Variants in INSIG1 observed in about 807,000 individuals in gnomAD.
INSIG1 encodes insulin induced gene 1.
A neutral mutation model predicts 26.5 loss-of-function variants in INSIG1; 14 were observed. The ratio of observed to expected loss-of-function variants is 0.53; its 90% CI spans 0.35 to 0.83. The LOEUF is 0.83. Among genes scored for constraint, INSIG1 ranks in the 40% least tolerant of loss-of-function variants. INSIG1 has a pLI of 0.01. For synonymous variants in INSIG1, 147 were observed against 153.3 expected (o/e 0.96, Z 0.30); for missense variants, 272 against 368.9 (o/e 0.74, Z 2.15).
At position 155,298,570 on chromosome 7, in the gene INSIG1, G is replaced by A. The variant is rs1351223310; in HGVS notation, c.285G>A (p.Gly95=). Reference sequence around the variant, plus strand: ...GGAGCCTCGTGCTCTTCTCGGTTGGGGTGGTCCTAGCCCTGGTGCTCAACC... The same window carrying A: ...GGAGCCTCGTGCTCTTCTCGGTTGGAGTGGTCCTAGCCCTGGTGCTCAACC... The part of the protein sequence containing the change: ...LQRSLVLFSV[G]VVLALVLNLL... Residue 95 remains glycine (G), a synonymous_variant, in exon 2 of 6, where the codon GGG becomes GGA. Coordinates refer to ENST00000340368, the MANE Select transcript of INSIG1 (RefSeq NM_005542.6). 6.2e-7 allele frequency: 1 copy of A among 1,611,306 alleles called. No individual in the cohort carries two copies. The highest frequency in any genetic ancestry group is 8.5e-7 in the Non-Finnish European group (1 of 1,179,032).
At chr7:155,307,435 A>G (rs534644981) in intron 5 of INSIG1, among the ~76,000 whole-genome samples, 47 of 152,300 alleles carry the variant, frequency 3.1e-4, no homozygotes, top group Non-Finnish European at 5.6e-4. Flanking sequence ...AAAATTCTGT[A>G]TGGAGGTTTC....
At chr7:155,308,054 C>T (rs1376882137) in intron 5 of INSIG1, among the ~76,000 whole-genome samples, 187 bp from the exon 6 acceptor site, 5 of 152,182 alleles carry the variant, frequency 3.3e-5, no homozygotes, top group African/African-American at 9.7e-5. Flanking sequence ...GAAGACGGTG[C>T]AGGGGAGCTG....
intron 2 of INSIG1, among the ~76,000 whole-genome samples, chr7:155,300,059 C>T (rs371763129): frequency 1.3e-5 from 2 of 151,954 alleles, no homozygotes. Context: ...TTTCGTTTTT[C>T]GAAACACTTT....
intron 5 of INSIG1, chr7:155,303,153 G>A: frequency 3.9e-6 from 1 of 258,644 alleles, no homozygotes; most frequent in Non-Finnish European, 7.6e-6. Context: ...GAAAGTGACT[G>A]GTGTGTGAGT....
chr7:155,298,753 G>A (rs1797704864), intron 2 of INSIG1, 56 bp downstream of exon 2: 1 of 1,479,734 alleles, frequency 6.8e-7, no homozygotes. Flanking sequence ...TCGGTTGAAA[G>A]TACTTTTCAG....
At chr7:155,301,759 T>C in intron 3 of INSIG1, 69 bp downstream of exon 3, 1 of 1,375,970 alleles carries the variant, frequency 7.3e-7, no homozygotes, top group Non-Finnish European at 9.6e-7. Context: ...TTTTGTTTTG[T>C]TATATACTCA....
At position 155,302,864 on chromosome 7, in the gene INSIG1, A is replaced by G; in HGVS notation, c.804+18A>G. The G allele has an allele frequency of 4.7e-6, 7 of 1,503,180 alleles. No homozygotes were observed. Among genetic ancestry groups the G allele is most frequent in the Non-Finnish European group, 5.6e-6 (6 of 1,079,726 alleles). 93.1% of individuals were successfully genotyped at this position (1,503,180 alleles called of 1,614,324 possible). ...TAGCTATGGTAAGTGAAATGATCAT[A>G]TTATCTTCTAAAACTTGCGTCTCTT... On this transcript the variant is annotated intron_variant, in intron 5 of 5. Transcript: ENST00000340368. The surrounding 1 kb of genome is among the most constrained non-coding windows in gnomAD (Gnocchi z 4.3).
At chr7:155,301,714 G>A (rs746967888) in intron 3 of INSIG1, 24 bp downstream of exon 3, 6 of 1,528,078 alleles carry the variant, frequency 3.9e-6, no homozygotes, top group African/African-American at 1.4e-5. Flanking sequence ...TCTGTGCTAC[G>A]TCCAGAGTAT....
At chr7:155,303,617 T>G (rs757728813) in intron 5 of INSIG1, among the ~76,000 whole-genome samples, 4 of 152,210 alleles carry the variant, frequency 2.6e-5, no homozygotes, top group Non-Finnish European at 5.9e-5. Flanking sequence ...CAGTTCTCAT[T>G]AGTTAAAAAT....
At chr7:155,301,404 A>G (rs1797780922) in intron 2 of INSIG1, among the ~76,000 whole-genome samples, 162 bp from the exon 3 acceptor site, 1 of 152,228 alleles carries the variant, frequency 6.6e-6, no homozygotes, top group African/African-American at 2.4e-5. Flanking sequence ...TGGGAGTGGT[A>G]CTCAAAGAGA....
Position 155,301,645 on chromosome 7 carries a change from C to T in INSIG1, c.492C>T (p.Val164=), listed in dbSNP as rs1422678780. 2 of 1,606,202 alleles carry T rather than the reference C, an allele frequency of 1.2e-6. No homozygotes were observed. Among genetic ancestry groups the T allele is most frequent in the East Asian group, 4.5e-5 (2 of 44,840 alleles). The part of the protein sequence containing the change: ...PHKFKREWAS[V]MRCIAVFVGI... ...AATTTAAGAGAGAATGGGCCAGTGT[C>T]ATGCGCTGCATAGCAGTTTTTGTTG... The change falls in exon 3 of 6, where the codon GTC becomes GTT. Residue 164 remains valine, a synonymous_variant. Transcript: ENST00000340368.
At chr7:155,297,984 T>C in intron 1 of INSIG1, 25 bp downstream of exon 1, 1 of 266,848 alleles carries the variant, frequency 3.7e-6, no homozygotes, top group East Asian at 6.4e-5. Flanking sequence ...GGGATAGGGG[T>C]CGCGGGCGGG....
intron 2 of INSIG1, among the ~76,000 whole-genome samples, chr7:155,300,258 A>G (rs1797748231): frequency 6.6e-6 from 1 of 152,266 alleles, no homozygotes. Context: ...ACAATTTCTC[A>G]TACTCTCATA....
Position 155,302,117 on chromosome 7 carries a change from A to G in INSIG1, c.538-134A>G. Reference sequence around the variant, plus strand: ...ATCCAACAAATCCTTTCTTTAGCTTATTACACAGTTTTTATGGACAGTGAA... The same window carrying G: ...ATCCAACAAATCCTTTCTTTAGCTTGTTACACAGTTTTTATGGACAGTGAA... On this transcript the variant is annotated intron_variant, in intron 3 of 5. Transcript: ENST00000340368. The surrounding 1 kb of genome is among the most constrained non-coding windows in gnomAD (Gnocchi z 4.3). 1.6e-6 allele frequency: 1 copy of G among 624,556 alleles called. No homozygotes were observed. The highest frequency in any genetic ancestry group is 2.6e-6 in the Non-Finnish European group (1 of 387,774). The allele number at this position is 624,556 out of a possible 1,614,324, so 38.7% of individuals were successfully genotyped here.
At chr7:155,301,393 G>A (rs556021834) in intron 2 of INSIG1, among the ~76,000 whole-genome samples, 173 bp from the exon 3 acceptor site, 64 of 152,282 alleles carry the variant, frequency 4.2e-4, no homozygotes, top group African/African-American at 1.5e-3. Context: ...GTACAATTTT[G>A]TGGGAGTGGT....
chr7:155,298,350 C>A lies in INSIG1; in HGVS notation c.65C>A (p.Pro22His), dbSNP rs773664641. Residue 22 changes from proline (P) to histidine (H), a missense_variant, in exon 2 of 6, where the codon CCC becomes CAC. Physicochemically the swap from Pro to His is moderately conservative, Grantham distance 77. Around this residue, in one of 2 missense-constraint regions of INSIG1, gnomAD observed 161 missense variants for 179.2 expected, o/e 0.90. Coordinates refer to ENST00000340368, the MANE Select transcript of INSIG1 (RefSeq NM_005542.6). The stretch of plus-strand genomic sequence containing the variant: ...GCGCACAGCGCGAGGCGCCGAGGCC[C>A]CCCGCGAGCCAGCGCCGCGGGGCTG... Reference protein sequence around the residue: ...SCAHSARRRGPPRASAAGLAA... With the variant: ...SCAHSARRRGHPRASAAGLAA... The A allele has an allele frequency of 6.6e-7, 1 of 1,512,084 alleles. No individual in the cohort carries two copies. The highest frequency in any genetic ancestry group is 1.4e-5 in the African/African-American group (1 of 69,560). 93.7% of individuals were successfully genotyped at this position (1,512,084 alleles called of 1,614,324 possible).
chr7:155,305,652 A>G (rs9690923), intron 5 of INSIG1, among the ~76,000 whole-genome samples: 2,254 of 152,308 alleles, frequency 0.015, 48 homozygotes, highest in African/African-American at 0.051. Flanking sequence ...GGCTCAGTTC[A>G]GCACCGGGAC....
intron 5 of INSIG1, chr7:155,303,869 G>A (rs372824115): frequency 5.1e-6 from 7 of 1,364,594 alleles, no homozygotes; most frequent in Admixed American, 1.9e-5. Flanking sequence ...CCACTTGGCT[G>A]TTTCACAAAA....
chr7:155,301,288 A>T (rs533872617), intron 2 of INSIG1, among the ~76,000 whole-genome samples: 1 of 152,234 alleles, frequency 6.6e-6, no homozygotes, highest in Non-Finnish European at 1.5e-5. Flanking sequence ...TGCTCATATT[A>T]ATATGAATAA....
Sources: allele counts gnomAD v4.1 joint callset (sites outside exome capture counted in the v4.1 genomes callset), GRCh38; gene constraint gnomAD v4.1.1; regional missense constraint gnomAD v4.1.1; non-coding constraint Gnocchi (gnomAD v3.1); transcripts MANE v1.5; gene names NCBI Gene and HGNC (gene_info 2026-07-23, HGNC 2026-07-21).